The following ACMSD variants were observed in gnomAD, a reference collection of about 807,000 sequenced individuals.
ACMSD encodes 2-amino-3-carboxymuconate-6-semialdehyde decarboxylase.
In ACMSD, 37 loss-of-function variants were observed where a neutral mutation model predicts 45.9. The ratio of observed to expected loss-of-function variants is 0.81; its 90% confidence interval spans 0.62 to 1.06. ACMSD has a LOEUF of 1.06. Ranked by LOEUF, ACMSD falls within the 50% of genes least tolerant of loss-of-function variation. The pLI is 0.00. For synonymous variants in ACMSD, 138 were observed against 148.8 expected (o/e 0.93, Z 0.53); for missense variants, 434 against 420.9 (o/e 1.03, Z -0.27).
intron 8 of ACMSD, chr2:134,872,880 C>T: frequency 4.2e-6 from 2 of 472,014 alleles, no homozygotes; most frequent in South Asian, 5.8e-5. Context: ...AATCCCAGAT[C>T]ATCTACATGG....
At chr2:134,887,820 G>A (rs1315316770) in intron 8 of ACMSD, among the ~76,000 whole-genome samples, 1 of 152,148 alleles carries the variant, frequency 6.6e-6, no homozygotes, top group African/African-American at 2.4e-5. Context: ...ATCATATGGG[G>A]GGGAAATGAA....
chr2:134,861,862 C>A, intron 3 of ACMSD, 107 bp from the exon 4 acceptor site: 1 of 1,156,876 alleles, frequency 8.6e-7, no homozygotes, highest in Non-Finnish European at 1.3e-6. Flanking sequence ...GGAGGGAGAG[C>A]AGGAGGAGTT....
chr2:134,873,967 T>A (rs1688601678), intron 8 of ACMSD, among the ~76,000 whole-genome samples: 1 of 152,224 alleles, frequency 6.6e-6, no homozygotes, highest in Non-Finnish European at 1.5e-5. Context: ...CCATCAAGCC[T>A]AGTACCTCCT....
rs73959204 is a variant in ACMSD, at chr2:134,901,121, T to C, written c.949-677T>C. ...AATATAGAAGGACACATTAATGGTATGGATGTCACACAACCCCATATATTT... is the reference window on the plus strand; with the variant it reads ...AATATAGAAGGACACATTAATGGTACGGATGTCACACAACCCCATATATTT... On this transcript the variant is annotated intron_variant, in intron 9 of 9. Coordinates refer to ENST00000356140, the MANE Select transcript of ACMSD (RefSeq NM_138326.3). 3.1e-3 allele frequency among the ~76,000 whole-genome samples: 475 copies of C among 152,318 alleles called. 1 individual carries two copies. Among genetic ancestry groups the C allele is most frequent in the African/African-American group, 0.011 (444 of 41,574 alleles).
chr2:134,900,506 C>CT (rs1690438932), intron 9 of ACMSD, among the ~76,000 whole-genome samples: 1 of 152,118 alleles, frequency 6.6e-6, no homozygotes, highest in South Asian at 2.1e-4. Context: ...CCAAGAGAAG[C>CT]TGTAAAGTGC....
At chr2:134,864,782 G>A (rs1173812711) in intron 5 of ACMSD, among the ~76,000 whole-genome samples, 1 of 152,164 alleles carries the variant, frequency 6.6e-6, no homozygotes, top group Non-Finnish European at 1.5e-5. Flanking sequence ...ATGGTAAAAT[G>A]TATGTTCAAA....
chr2:134,866,776 T>G (rs1182285518), intron 5 of ACMSD, among the ~76,000 whole-genome samples: 1 of 152,226 alleles, frequency 6.6e-6, no homozygotes, highest in African/African-American at 2.4e-5. Context: ...AGACTTCTTT[T>G]AATTAAACTT....
chr2:134,881,000 A>G (rs1689006526), intron 8 of ACMSD, among the ~76,000 whole-genome samples: 1 of 151,984 alleles, frequency 6.6e-6, no homozygotes, highest in Non-Finnish European at 1.5e-5. Flanking sequence ...TATGTTATTC[A>G]CTTTCTTTAT....
At position 134,867,585 on chromosome 2, in the gene ACMSD, GAA is replaced by G; in HGVS notation, c.495_496del (p.Arg166AlafsTer47). The G allele has an allele frequency of 6.2e-7, 1 of 1,613,258 alleles. No homozygotes were observed. Among genetic ancestry groups the G allele is most frequent in the Middle Eastern group, 1.6e-4 (1 of 6,062 alleles). ...TCTCATTGCTTCTTTGAAGGCAGCC[GAA>G]AGGCTGAAGTGTTCCCTGTTCGTGC... ...QELFPVYAAA[E>X]RLKCSLFVHP... On this transcript the variant is annotated frameshift_variant, in exon 6 of 10. Transcript: ENST00000356140. LOFTEE classifies it high-confidence loss of function.
intron 2 of ACMSD, among the ~76,000 whole-genome samples, chr2:134,850,526 C>A (rs1352121689): frequency 6.6e-6 from 1 of 152,180 alleles, no homozygotes; most frequent in African/African-American, 2.4e-5. Context: ...CTTCGTCCCC[C>A]CAGAGTGCTA....
At chr2:134,885,359 T>TGA (rs1553515633) in intron 8 of ACMSD, among the ~76,000 whole-genome samples, 2 of 108,932 alleles carry the variant, frequency 1.8e-5, no homozygotes, top group Admixed American at 2.8e-4. Flanking sequence ...AATATATATT[T>TGA]ACATATATAT....
chr2:134,879,115 A>C (rs958767128), intron 8 of ACMSD, among the ~76,000 whole-genome samples: 1 of 152,214 alleles, frequency 6.6e-6, no homozygotes, highest in Non-Finnish European at 1.5e-5. Flanking sequence ...TCCGTATCTT[A>C]ACTTTAGCAT....
chr2:134,864,636 T>A (rs1688011317), intron 5 of ACMSD, among the ~76,000 whole-genome samples: 1 of 152,168 alleles, frequency 6.6e-6, no homozygotes, highest in Non-Finnish European at 1.5e-5. Flanking sequence ...TTTTAAGTCA[T>A]ATATTTTGGA....
At chr2:134,888,984 T>G (rs2104941910) in intron 8 of ACMSD, among the ~76,000 whole-genome samples, 1 of 152,306 alleles carries the variant, frequency 6.6e-6, no homozygotes, top group Admixed American at 6.5e-5. Flanking sequence ...GAATTTGTGT[T>G]TTACTCTATG....
intron 1 of ACMSD, 118 bp from the exon 2 acceptor site, chr2:134,845,115 G>T: frequency 1.0e-6 from 1 of 968,848 alleles, no homozygotes; most frequent in Non-Finnish European, 1.7e-6. Flanking sequence ...ATGGGTATGG[G>T]GGAAATGGGA....
At chr2:134,895,371 G>A (rs1559071462) in intron 8 of ACMSD, among the ~76,000 whole-genome samples, 3 of 82,360 alleles carry the variant, frequency 3.6e-5, no homozygotes, top group Non-Finnish European at 7.2e-5. Context: ...ATATATATAT[G>A]TTACAAAACA....
chr2:134,879,923 T>C (rs948728397), intron 8 of ACMSD, among the ~76,000 whole-genome samples: 1 of 152,212 alleles, frequency 6.6e-6, no homozygotes, highest in African/African-American at 2.4e-5. Flanking sequence ...ATCTCTCTCA[T>C]TGGATTCCTT....
At chr2:134,889,698 A>G (rs1446650579) in intron 8 of ACMSD, among the ~76,000 whole-genome samples, 4 of 152,152 alleles carry the variant, frequency 2.6e-5, no homozygotes, top group African/African-American at 9.6e-5. Context: ...ATCATTTTAT[A>G]TATAGGATTT....
intron 8 of ACMSD, among the ~76,000 whole-genome samples, chr2:134,889,581 A>G (rs188151167): frequency 5.2e-4 from 79 of 152,338 alleles, no homozygotes; most frequent in African/African-American, 1.8e-3. Flanking sequence ...TATAAAGAAT[A>G]ATACAGTATA....
Sources: gnomAD v4.1 joint callset for allele counts (sites outside exome capture counted in the v4.1 genomes callset) on GRCh38, gnomAD v4.1.1 for gene constraint, MANE v1.5 for transcripts, NCBI Gene and HGNC (gene_info 2026-07-23, HGNC 2026-07-21) for gene names.